The following ABCC3 variants were observed in gnomAD, a reference collection of about 807,000 sequenced individuals.
The protein encoded by ABCC3 is ATP binding cassette subfamily C member 3, also known as ATP-binding cassette sub-family C member 3.
ABCC3 carries 121 observed loss-of-function variants against 165.3 expected under a neutral mutation model. That is an observed-to-expected ratio of 0.73 (90% CI 0.63 to 0.85). ABCC3 has a LOEUF of 0.85. Ranked by LOEUF, ABCC3 falls within the 40% of genes least tolerant of loss-of-function variation. ABCC3 has a pLI of 0.00. For synonymous variants in ABCC3, 733 were observed against 810.1 expected (o/e 0.90, Z 1.62); for missense variants, 1,869 against 1,964.1 (o/e 0.95, Z 0.92).
intron 1 of ABCC3, 126 bp from the exon 2 acceptor site, chr17:50,655,706 T>A (rs1177876604): frequency 9.8e-6 from 8 of 815,946 alleles, no homozygotes; most frequent in Admixed American, 2.5e-5. Flanking sequence ...TACTCTCTCC[T>A]CCTCACCTGT....
Position 50,668,456 on chromosome 17 carries a change from G to A in ABCC3, c.1809G>A (p.Gln603=). 8.1e-6 allele frequency: 13 copies of A among 1,613,994 alleles called. No homozygotes were observed. The highest frequency in any genetic ancestry group is 1.1e-5 in the Non-Finnish European group (13 of 1,179,938). ...TQASVSLKRI[Q]QFLSQEELDP... is the part of the protein sequence containing the mutation. ...CCAGTGTGTCTCTGAAACGGATCCA[G>A]CAATTCCTGAGCCAAGAGGAACTTG... Residue 603 remains glutamine, a synonymous_variant, in exon 14 of 31, where the codon CAG becomes CAA. Coordinates refer to ENST00000285238, the MANE Select transcript of ABCC3 (RefSeq NM_003786.4).
chr17:50,659,646 T>G (rs1567829838), intron 7 of ABCC3, among the ~76,000 whole-genome samples: 1 of 152,124 alleles, frequency 6.6e-6, no homozygotes, highest in Non-Finnish European at 1.5e-5. Flanking sequence ...CACTTAATTT[T>G]TCAACAGCCC....
intron 30 of ABCC3, 80 bp downstream of exon 30, chr17:50,687,810 T>A (rs2146647759): frequency 7.1e-7 from 1 of 1,412,144 alleles, no homozygotes; most frequent in East Asian, 2.3e-5. Flanking sequence ...AGATTAGGGT[T>A]ATCTGAACAA....
Position 50,691,271 on chromosome 17 carries a change from C to A in ABCC3, c.*71C>A. On this transcript the variant is annotated 3_prime_UTR_variant, in exon 31 of 31. Coordinates refer to ENST00000285238, the MANE Select transcript of ABCC3 (RefSeq NM_003786.4). ...GGAAGGAAATGACACCAAATATGTC[C>A]GCAGAATGGACTTGATAGCAAACAC... 1.6e-6 allele frequency: 2 copies of A among 1,232,290 alleles called. No homozygotes were observed. The highest frequency in any genetic ancestry group is 2.4e-6 in the Non-Finnish European group (2 of 843,064). The allele number at this position is 1,232,290 out of a possible 1,614,324, so 76.3% of individuals were successfully genotyped here.
rs577863986 is a variant in ABCC3, at chr17:50,684,588, G to A, written c.4114-121G>A. ...TCTCTTTGGCCATTGTGTCCTCTGG[G>A]GAGCTGGAAACAGAGTGGGAATGCT... On this transcript the variant is annotated intron_variant, in intron 28 of 30. Coordinates refer to ENST00000285238, the MANE Select transcript of ABCC3 (RefSeq NM_003786.4). 1.6e-5 allele frequency: 17 copies of A among 1,086,226 alleles called. No homozygotes were observed. The South Asian group carries it at 2.8e-4, about 18-fold the overall frequency. 67.3% of individuals were successfully genotyped at this position (1,086,226 alleles called of 1,614,324 possible). A position where few individuals can be genotyped will look rare whatever the true frequency, so the allele number is the denominator to read the frequency against.
chr17:50,655,413 A>AAAAAC (rs1967211262), intron 1 of ABCC3, among the ~76,000 whole-genome samples: 1 of 149,452 alleles, frequency 6.7e-6, no homozygotes, highest in African/African-American at 2.4e-5. Flanking sequence ...TCAAAAAAAA[A>AAAAAC]AAAAAAAACA....
intron 1 of ABCC3, among the ~76,000 whole-genome samples, chr17:50,648,113 G>T (rs2146595355): frequency 1.3e-5 from 2 of 152,206 alleles, no homozygotes; most frequent in East Asian, 3.9e-4. Flanking sequence ...TTTATCTCCA[G>T]TCCTTCCTGA....
rs752016818 is a variant in ABCC3 at position 50,658,472 on chromosome 17, G to T, written c.650G>T (p.Arg217Leu). 1 of 1,614,062 alleles carries T rather than the reference G, an allele frequency of 6.2e-7. No individual in the cohort carries two copies. Among genetic ancestry groups the T allele is most frequent in the South Asian group, 1.1e-5 (1 of 91,076 alleles). ...YPETSAGFLS[R>L]LFFWWFTKMA... ...GAGACCAGCGCTGGCTTTCTCTCCC[G>T]CCTGTTTTTCTGGTGGTTCACAAAG... The change falls in exon 6 of 31, where the codon CGC (arginine) becomes CTC (leucine). Residue 217 changes from arginine (R) to leucine (L), a missense_variant. By Grantham distance (102) the Arg-to-Leu change is moderately radical. Coordinates refer to ENST00000285238, the MANE Select transcript of ABCC3 (RefSeq NM_003786.4).
At chr17:50,642,014 A>C (rs1456609753) in intron 1 of ABCC3, among the ~76,000 whole-genome samples, 2 of 151,634 alleles carry the variant, frequency 1.3e-5, no homozygotes, top group Non-Finnish European at 2.9e-5. Flanking sequence ...AAAAAAGAAC[A>C]GTTGAATGTG....
chr17:50,643,977 C>G (rs1303993369), intron 1 of ABCC3, among the ~76,000 whole-genome samples: 2 of 152,014 alleles, frequency 1.3e-5, no homozygotes, highest in Non-Finnish European at 2.9e-5. Context: ...CGCAGGTGGG[C>G]AGGGGCACTG....
At chr17:50,637,875 T>C (rs896054020) in intron 1 of ABCC3, among the ~76,000 whole-genome samples, 1 of 152,208 alleles carries the variant, frequency 6.6e-6, no homozygotes, top group Non-Finnish European at 1.5e-5. Context: ...GTCGGGCCAG[T>C]GGCTCCCATT....
At chr17:50,660,663 C>T (rs1026190858) in intron 7 of ABCC3, among the ~76,000 whole-genome samples, 1 of 152,096 alleles carries the variant, frequency 6.6e-6, no homozygotes, top group African/African-American at 2.4e-5. Flanking sequence ...ACTGGGGAGG[C>T]GGGGAGAGGG....
intron 28 of ABCC3, 51 bp from the exon 29 acceptor site, chr17:50,684,658 C>T (rs757208579): frequency 3.8e-6 from 6 of 1,566,832 alleles, no homozygotes; most frequent in Non-Finnish European, 5.2e-6. Context: ...GGGCCTATGG[C>T]TCCTCATAGG....
chr17:50,686,451 G>T (rs896504755), intron 29 of ABCC3, among the ~76,000 whole-genome samples: 9 of 152,080 alleles, frequency 5.9e-5, no homozygotes, highest in Non-Finnish European at 1.0e-4. Flanking sequence ...TCCCAAGGGT[G>T]GGACTCCCTT....
Position 50,673,374 on chromosome 17 carries a change from C to T in ABCC3, c.2410-95C>T, listed in dbSNP as rs1477559259. 6 of 1,487,664 alleles carry T rather than the reference C, an allele frequency of 4.0e-6. No homozygotes were observed. In the Admixed American group the frequency reaches 9.3e-5, roughly 23 times the overall value. The allele number at this position is 1,487,664 out of a possible 1,614,324, so 92.2% of individuals were successfully genotyped here. A position where few individuals can be genotyped will look rare whatever the true frequency, so the allele number is the denominator to read the frequency against. ...ATGTGCCTGTCCAAGCTCCCTGGCA[C>T]ATGGGCACACTTCACACTCACTCTG... On this transcript the variant is annotated intron_variant, in intron 18 of 30. Coordinates refer to ENST00000285238, the MANE Select transcript of ABCC3 (RefSeq NM_003786.4).
chr17:50,675,308 G>A (rs1967774794), intron 19 of ABCC3, 54 bp from the exon 20 acceptor site: 2 of 1,322,944 alleles, frequency 1.5e-6, no homozygotes, highest in African/African-American at 1.4e-5. Flanking sequence ...AGATACCAGG[G>A]GCTTGCAGGG....
chr17:50,648,913 G>A (rs1161848841), intron 1 of ABCC3, among the ~76,000 whole-genome samples: 5 of 150,392 alleles, frequency 3.3e-5, no homozygotes, highest in African/African-American at 4.9e-5. Context: ...TCAGGAGTTC[G>A]AGACCAGCCT....
intron 4 of ABCC3, 54 bp downstream of exon 4, chr17:50,657,237 C>T: frequency 6.3e-7 from 1 of 1,590,542 alleles, no homozygotes; most frequent in Non-Finnish European, 8.6e-7. Context: ...AGGAGGGTGA[C>T]CTCAGGGTTC....
chr17:50,643,421 G>A (rs1041501111), intron 1 of ABCC3: 4 of 412,614 alleles, frequency 9.7e-6, no homozygotes, highest in African/African-American at 6.1e-5. Flanking sequence ...TACTGAATAG[G>A]ACAAGATGTA....
Sources: gnomAD v4.1 joint callset for allele counts (sites outside exome capture counted in the v4.1 genomes callset) on GRCh38, gnomAD v4.1.1 for gene constraint, MANE v1.5 for transcripts, NCBI Gene and HGNC (gene_info 2026-07-23, HGNC 2026-07-21) for gene names.